The following LRRC9 variants were observed in gnomAD, a reference collection of about 807,000 sequenced individuals.
The protein encoded by LRRC9 is leucine-rich repeat-containing protein 9.
LRRC9 carries 122 observed loss-of-function variants against 63.2 expected under a neutral mutation model. That is an observed-to-expected ratio of 1.93 (90% CI 1.67 to 2.24). The LOEUF is 2.24. Among genes scored for constraint, LRRC9 ranks in the 30% most tolerant of loss-of-function variants. The probability of loss-of-function intolerance (pLI) is 0.00; values close to 1 mark genes in which losing one functional copy is unlikely to be tolerated. For synonymous variants in LRRC9, 366 were observed against 213.1 expected, an observed-to-expected ratio of 1.72 and a Z score of -6.25; for missense variants, 1,071 against 627.7, an observed-to-expected ratio of 1.71 and a Z score of -7.55.
At chr14:59,970,225 C>T (rs1885336884) in intron 12 of LRRC9, among the ~76,000 whole-genome samples, 1 of 146,134 alleles carries the variant, frequency 6.8e-6, no homozygotes, top group Non-Finnish European at 1.5e-5. Flanking sequence ...TTTTGGGTTT[C>T]TGTTCCTGTG....
At chr14:59,995,914 T>C (rs972571887) in intron 17 of LRRC9, among the ~76,000 whole-genome samples, 2 of 152,130 alleles carry the variant, frequency 1.3e-5, no homozygotes, top group African/African-American at 2.4e-5. Context: ...AGCTAATTTT[T>C]GTATTTTTCG....
intron 29 of LRRC9, among the ~76,000 whole-genome samples, chr14:60,052,514 G>A (rs1393156206): frequency 6.6e-6 from 1 of 152,142 alleles, no homozygotes; most frequent in Non-Finnish European, 1.5e-5. Flanking sequence ...AGCAGTCTAG[G>A]CACAATAAAC....
chr14:59,999,245 C>G lies in LRRC9; in HGVS notation c.2529+19C>G. On this transcript the variant is annotated intron_variant, in intron 19 of 31. Coordinates refer to ENST00000445360, the Ensembl canonical transcript of LRRC9. Reference sequence around the variant, plus strand: ...TACTCAGGTTGGATTTTACTGTTTACTATTCATTGTGCTATTTAGAACATA... The same window carrying G: ...TACTCAGGTTGGATTTTACTGTTTAGTATTCATTGTGCTATTTAGAACATA... 1 of 695,258 alleles carries G rather than the reference C, an allele frequency of 1.4e-6. No individual in the cohort carries two copies. The highest frequency in any genetic ancestry group is 2.6e-6 in the Non-Finnish European group (1 of 381,462). The allele number at this position is 695,258 out of a possible 1,614,324, so 43.1% of individuals were successfully genotyped here.
chr14:60,045,772 T>C (rs1379474037), intron 29 of LRRC9, among the ~76,000 whole-genome samples: 4 of 152,228 alleles, frequency 2.6e-5, no homozygotes, highest in Non-Finnish European at 5.9e-5. Context: ...TGATTTATAT[T>C]CCTTGGGGTA....
intron 22 of LRRC9, among the ~76,000 whole-genome samples, chr14:60,007,604 T>G (rs1357802335): frequency 6.6e-6 from 1 of 152,180 alleles, no homozygotes; most frequent in Non-Finnish European, 1.5e-5. Flanking sequence ...AAGCCATTAT[T>G]CCATAAACAA....
intron 29 of LRRC9, among the ~76,000 whole-genome samples, chr14:60,052,208 G>A (rs1893947196): frequency 6.6e-6 from 1 of 152,136 alleles, no homozygotes; most frequent in Non-Finnish European, 1.5e-5. Context: ...TTACATTCAG[G>A]GAGGGAAGAA....
At chr14:60,022,919 T>C in intron 27 of LRRC9, 49 bp downstream of exon 27, 1 of 460,174 alleles carries the variant, frequency 2.2e-6, no homozygotes, top group Middle Eastern at 3.1e-4. Context: ...TAAAAACTGA[T>C]TTTATCATCA....
At position 60,051,205 on chromosome 14, in the gene LRRC9, A is replaced by C. The variant is rs1297263627; in HGVS notation, c.3991-1860A>C. 6.6e-6 allele frequency among the ~76,000 whole-genome samples: 1 copy of C among 152,112 alleles called. No homozygotes were observed. The highest frequency in any genetic ancestry group is 1.9e-4 in the East Asian group (1 of 5,178). ...GCTGAGTCAACCAAACAACAGAGAC[A>C]CTGTCTGCCTCTCCCCACAGGAGTT... is the stretch of plus-strand genomic sequence containing the variant. On this transcript the variant is annotated intron_variant, in intron 29 of 31. Coordinates refer to ENST00000445360, the Ensembl canonical transcript of LRRC9. This position sits in a 1 kb window ranked among gnomAD's most constrained non-coding sequence, Gnocchi z 4.7.
chr14:59,972,332 T>G (rs748617484), intron 12 of LRRC9, among the ~76,000 whole-genome samples: 1 of 152,158 alleles, frequency 6.6e-6, no homozygotes, highest in African/African-American at 2.4e-5. Flanking sequence ...AAACAGATGA[T>G]TTACTTAACA....
chr14:59,921,090 G>T (rs1270857955), intron 1 of LRRC9, among the ~76,000 whole-genome samples: 1 of 152,136 alleles, frequency 6.6e-6, no homozygotes, highest in Non-Finnish European at 1.5e-5. Flanking sequence ...GAAGATCTTT[G>T]ATTTAAATCT....
chr14:59,937,645 A>G (rs906279908), intron 6 of LRRC9, among the ~76,000 whole-genome samples: 1 of 152,194 alleles, frequency 6.6e-6, no homozygotes, highest in Non-Finnish European at 1.5e-5. Flanking sequence ...ATCATAAAAT[A>G]TTAGGGTTTA....
At position 59,932,121 on chromosome 14, in the gene LRRC9, C is replaced by A; in HGVS notation, c.543+82C>A. On this transcript the variant is annotated intron_variant, in intron 6 of 31. Coordinates refer to ENST00000445360, the Ensembl canonical transcript of LRRC9. The surrounding 1 kb of genome is among the most constrained non-coding windows in gnomAD (Gnocchi z 4.7). ...TGTTGCAGAAACTGTACTAAAAAGTCCCCCATTAAGGAATAAGTTCATTAT... is the reference window on the plus strand; with the variant it reads ...TGTTGCAGAAACTGTACTAAAAAGTACCCCATTAAGGAATAAGTTCATTAT... 1.6e-6 allele frequency: 1 copy of A among 633,526 alleles called. No homozygotes were observed. Among genetic ancestry groups the A allele is most frequent in the South Asian group, 1.8e-5 (1 of 55,248 alleles). The allele number at this position is 633,526 out of a possible 1,614,324, so 39.2% of individuals were successfully genotyped here.
intron 8 of LRRC9, among the ~76,000 whole-genome samples, chr14:59,947,823 A>T (rs1461612386): frequency 2.7e-5 from 4 of 149,762 alleles, no homozygotes; most frequent in Admixed American, 1.3e-4. Flanking sequence ...GTTGTAGGTA[A>T]GCGGCGTTAT....
At chr14:60,007,305 C>T (rs1431865991) in intron 22 of LRRC9, among the ~76,000 whole-genome samples, 1 of 152,188 alleles carries the variant, frequency 6.6e-6, no homozygotes, top group African/African-American at 2.4e-5. Flanking sequence ...ATCAACAACA[C>T]CAGCAACACA....
chr14:60,026,518 G>A (rs190870600), intron 27 of LRRC9, among the ~76,000 whole-genome samples: 1 of 152,120 alleles, frequency 6.6e-6, no homozygotes, highest in African/African-American at 2.4e-5. Context: ...CTCCCATTCT[G>A]TAAGCTATCT....
chr14:60,023,363 C>T (rs1333598221), intron 27 of LRRC9, among the ~76,000 whole-genome samples: 1 of 151,912 alleles, frequency 6.6e-6, no homozygotes, highest in South Asian at 2.1e-4. Flanking sequence ...AAGATTAGCT[C>T]GTCGGCATGT....
At position 59,997,840 on chromosome 14, in the gene LRRC9, G is replaced by A. The variant is rs1888959585; in HGVS notation, c.2396G>A (p.Trp799Ter). 1.4e-6 allele frequency: 1 copy of A among 689,772 alleles called. No individual in the cohort carries two copies. The highest frequency in any genetic ancestry group is 1.8e-5 in the African/African-American group (1 of 56,784). The allele number at this position is 689,772 out of a possible 1,614,324, so 42.7% of individuals were successfully genotyped here. Reference sequence around the variant, plus strand: ...ACTCTTGATATTCAACATAATCCATGGCAAAAGGTATGCCACAGACATGTT... The same window carrying A: ...ACTCTTGATATTCAACATAATCCATAGCAAAAGGTATGCCACAGACATGTT... The change falls in exon 18 of 32, where the codon TGG becomes TAG. Residue 799 changes from tryptophan (W) to a stop codon, truncating the protein, a stop_gained. Coordinates refer to ENST00000445360, the Ensembl canonical transcript of LRRC9. LOFTEE classifies it high-confidence loss of function.
At chr14:59,941,246 G>A (rs193237793) in intron 7 of LRRC9, among the ~76,000 whole-genome samples, 3 of 152,022 alleles carry the variant, frequency 2.0e-5, no homozygotes, top group Admixed American at 2.0e-4. Flanking sequence ...ACTAAAATCA[G>A]TTGTTTTTTG....
chr14:60,010,453 C>G (rs1222037112), intron 23 of LRRC9, among the ~76,000 whole-genome samples: 5 of 67,046 alleles, frequency 7.5e-5, no homozygotes, highest in African/African-American at 1.5e-4. Flanking sequence ...CCCTGGACCA[C>G]TCCAGGAAAC....
Sources: allele counts gnomAD v4.1 joint callset (sites outside exome capture counted in the v4.1 genomes callset), GRCh38; gene constraint gnomAD v4.1.1; non-coding constraint Gnocchi (gnomAD v3.1); transcripts MANE v1.5; gene names NCBI Gene and HGNC (gene_info 2026-07-23, HGNC 2026-07-21).